Variants in RTL4 observed in about 807,000 individuals in gnomAD.
RTL4 encodes the protein retrotransposon Gag like 4, also known as retrotransposon Gag-like protein 4.
In RTL4, 4 loss-of-function variants were observed where a neutral mutation model predicts 5.3. The observed-to-expected ratio is 0.75, with a 90% CI of 0.37 to 1.72. The LOEUF (loss-of-function observed/expected upper bound fraction) is 1.72, where lower values mean the gene tolerates loss of function less well. RTL4 is among the 40% of genes most tolerant of loss of function. The pLI is 0.04. For synonymous variants in RTL4, 98 were observed against 87.3 expected (o/e 1.12, Z -0.68); for missense variants, 260 against 227.1 (o/e 1.14, Z -0.93).
At chrX:112,228,174 C>T in the RTL4 span, among the ~76,000 whole-genome samples, 1 of 110,501 alleles carries the variant, frequency 9.0e-6, no homozygotes, top group Non-Finnish European at 1.9e-5. Context: ...TGGGGAATAT[C>T]ACTGAATAAG....
the RTL4 span, among the ~76,000 whole-genome samples, chrX:112,120,649 C>G: frequency 1.9e-5 from 2 of 106,216 alleles, no homozygotes; most frequent in African/African-American, 7.0e-5. Context: ...TTAGTAGTTT[C>G]CATTTTTCTA....
At chrX:112,185,164 A>G in the RTL4 span, among the ~76,000 whole-genome samples, 3 of 109,801 alleles carry the variant, frequency 2.7e-5, no homozygotes, top group African/African-American at 9.9e-5. Context: ...TTGATTCCCA[A>G]TCTAGTGTAC....
At chrX:112,226,950 A>G in the RTL4 span, among the ~76,000 whole-genome samples, 2 of 61,732 alleles carry the variant, frequency 3.2e-5, no homozygotes, top group African/African-American at 1.8e-4. Context: ...TAAAATAAAA[A>G]TAAAATAAAA....
chrX:112,247,880 G>A, the RTL4 span, among the ~76,000 whole-genome samples: 1 of 111,736 alleles, frequency 8.9e-6, no homozygotes, highest in Non-Finnish European at 1.9e-5. Flanking sequence ...GAACAGGAAG[G>A]ACTGGTTTCC....
the RTL4 span, among the ~76,000 whole-genome samples, chrX:112,130,605 C>T: frequency 1.8e-5 from 2 of 110,727 alleles, no homozygotes; most frequent in Non-Finnish European, 3.8e-5. Context: ...TAGAAATACT[C>T]AGTAAATTAA....
chrX:112,251,571 A>T, the RTL4 span, among the ~76,000 whole-genome samples: 1 of 111,879 alleles, frequency 8.9e-6, no homozygotes, highest in African/African-American at 3.2e-5. Flanking sequence ...ACCAGGTTTT[A>T]TATCAGGGTA....
the RTL4 span, among the ~76,000 whole-genome samples, chrX:112,306,126 A>C: frequency 7.4e-4 from 82 of 111,520 alleles, no homozygotes; most frequent in African/African-American, 2.4e-3. Context: ...TTGAGAGAGG[A>C]AAGACTGACA....
At chrX:112,235,409 TG>T in the RTL4 span, among the ~76,000 whole-genome samples, 1 of 111,468 alleles carries the variant, frequency 9.0e-6, no homozygotes, top group Non-Finnish European at 1.9e-5. Flanking sequence ...AGAATGCCTT[TG>T]TGCTTTATAA....
At chrX:112,170,025 C>G in the RTL4 span, among the ~76,000 whole-genome samples, 1 of 112,078 alleles carries the variant, frequency 8.9e-6, no homozygotes, top group Non-Finnish European at 1.9e-5. Flanking sequence ...AATCCTTTCC[C>G]CATTGTTTGT....
At chrX:112,436,515 C>T in the RTL4 span, among the ~76,000 whole-genome samples, 1 of 111,800 alleles carries the variant, frequency 8.9e-6, no homozygotes, top group African/African-American at 3.2e-5. Context: ...AATTACCAGT[C>T]TCTTTATGAA....
the RTL4 span, among the ~76,000 whole-genome samples, chrX:112,352,874 T>C: frequency 1.8e-5 from 2 of 111,498 alleles, no homozygotes; most frequent in South Asian, 3.7e-4. Context: ...CAAAAGAAAC[T>C]ACCATCAGAG....
the RTL4 span, among the ~76,000 whole-genome samples, chrX:112,352,291 A>G: frequency 1.8e-5 from 2 of 110,547 alleles, no homozygotes; most frequent in African/African-American, 6.6e-5. Context: ...CTCTCCATCA[A>G]GCTACCAACG....
chrX:112,433,108 A>C, the RTL4 span, among the ~76,000 whole-genome samples: 10 of 111,293 alleles, frequency 9.0e-5, no homozygotes, highest in Admixed American at 9.5e-5. Context: ...TTTTGGTACC[A>C]GTACCATGCT....
chrX:112,195,838 C>T, the RTL4 span, among the ~76,000 whole-genome samples: 1 of 111,100 alleles, frequency 9.0e-6, no homozygotes, highest in Non-Finnish European at 1.9e-5. Context: ...TAAATACTTA[C>T]AATGATAAAA....
chrX:112,362,668 C>G, the RTL4 span, among the ~76,000 whole-genome samples: 13 of 110,565 alleles, frequency 1.2e-4, no homozygotes, highest in Non-Finnish European at 2.5e-4. Context: ...TCTGTTGAGG[C>G]AAGTTTTGGA....
At chrX:112,111,625 T>C in the RTL4 span, among the ~76,000 whole-genome samples, 1 of 112,751 alleles carries the variant, frequency 8.9e-6, no homozygotes, top group Admixed American at 9.3e-5. Context: ...TCTTTTTCCC[T>C]TTCCCAGTTC....
chrX:112,215,357 T>C, the RTL4 span, among the ~76,000 whole-genome samples: 2 of 112,122 alleles, frequency 1.8e-5, no homozygotes, highest in African/African-American at 6.5e-5. Context: ...GAGTACCTTT[T>C]CACATACCTG....
the RTL4 span, among the ~76,000 whole-genome samples, chrX:112,155,868 T>C: frequency 9.0e-6 from 1 of 111,581 alleles, no homozygotes; most frequent in South Asian, 3.8e-4. Context: ...AAGTATACCC[T>C]AGGTATTACT....
the RTL4 span, among the ~76,000 whole-genome samples, chrX:112,390,958 A>T: frequency 8.9e-6 from 1 of 111,795 alleles, no homozygotes; most frequent in Non-Finnish European, 1.9e-5. Context: ...GGTGCCAATG[A>T]TTTGTATATT....
Sources: gnomAD v4.1 joint callset for allele counts (sites outside exome capture counted in the v4.1 genomes callset) on GRCh38, gnomAD v4.1.1 for gene constraint, MANE v1.5 for transcripts, NCBI Gene and HGNC (gene_info 2026-07-23, HGNC 2026-07-21) for gene names.